GMDS: variants seen among roughly 807,000 people sequenced by gnomAD.
GMDS encodes the protein GDP-mannose 4,6 dehydratase.
Under a neutral mutation model 49.9 loss-of-function variants are expected in GMDS, and 20 were observed. That is an observed-to-expected ratio of 0.40 (90% confidence interval 0.28 to 0.58). The LOEUF (loss-of-function observed/expected upper bound fraction) is 0.58. Among genes scored for constraint, GMDS ranks in the 20% least tolerant of loss-of-function variants. The pLI is 0.42. For synonymous variants in GMDS, 177 were observed against 178.6 expected, an observed-to-expected ratio of 0.99 and a Z score of 0.07; for missense variants, 362 against 481.4, an observed-to-expected ratio of 0.75 and a Z score of 2.32.
chr6:2,126,282 C>A (rs140215518), intron 1 of GMDS, among the ~76,000 whole-genome samples: 34 of 152,226 alleles, frequency 2.2e-4, no homozygotes, highest in Non-Finnish European at 4.6e-4. Flanking sequence ...CTCATTCAGA[C>A]GAAAAGATAA....
chr6:1,959,060 A>G (rs1256813718), intron 6 of GMDS, among the ~76,000 whole-genome samples: 3 of 152,236 alleles, frequency 2.0e-5, no homozygotes, highest in African/African-American at 7.2e-5. Context: ...AATACCTGAT[A>G]ATACTTCTAA....
In GMDS at chr6:1,669,016, A is replaced by G. The variant is rs530163235; in HGVS notation, c.988-44476T>C. The stretch of plus-strand genomic sequence containing the variant: ...GACCTGAATGGAATATATTTCTAAC[A>G]TATGTCAGTACTGTTTTCACTAGTG... On this transcript the variant is annotated intron_variant, in intron 9 of 10. Transcript: ENST00000380815. 4.6e-5 allele frequency among the ~76,000 whole-genome samples: 7 copies of G among 152,348 alleles called. No homozygotes were observed. The East Asian group carries it at 7.7e-4, about 17-fold the overall frequency.
At chr6:2,045,125 T>G (rs557341180) in intron 4 of GMDS, among the ~76,000 whole-genome samples, 1 of 152,246 alleles carries the variant, frequency 6.6e-6, no homozygotes, top group Admixed American at 6.5e-5. Context: ...GAATTAATTT[T>G]AATAATTTAT....
intron 4 of GMDS, among the ~76,000 whole-genome samples, chr6:1,988,931 C>G (rs564407974): frequency 3.9e-5 from 6 of 151,926 alleles, no homozygotes; most frequent in Admixed American, 1.3e-4. Context: ...AAGAGTTATG[C>G]CGGGAGCAGT....
At chr6:2,097,744 T>G (rs929255997) in intron 4 of GMDS, among the ~76,000 whole-genome samples, 7 of 152,194 alleles carry the variant, frequency 4.6e-5, no homozygotes, top group Non-Finnish European at 7.3e-5. Context: ...TAGGCTCCAG[T>G]TCCGCCCTAA....
chr6:1,837,501 G>A (rs1298718910), intron 7 of GMDS, among the ~76,000 whole-genome samples: 1 of 152,114 alleles, frequency 6.6e-6, no homozygotes, highest in Non-Finnish European at 1.5e-5. Context: ...GACTCAAAGT[G>A]TTGGTAAGTG....
At chr6:1,669,232 T>C (rs374101311) in intron 9 of GMDS, among the ~76,000 whole-genome samples, 1 of 152,312 alleles carries the variant, frequency 6.6e-6, no homozygotes, top group South Asian at 2.1e-4. Context: ...TTGGCTATCA[T>C]AGTCTGGGGT....
intron 1 of GMDS, among the ~76,000 whole-genome samples, chr6:2,195,799 T>G (rs1198882847): frequency 1.4e-5 from 2 of 138,756 alleles, no homozygotes; most frequent in Non-Finnish European, 3.2e-5. Context: ...CTGGGCAACA[T>G]AAGAAAGACC....
At chr6:1,829,983 T>C (rs566223649) in intron 7 of GMDS, among the ~76,000 whole-genome samples, 43 of 152,364 alleles carry the variant, frequency 2.8e-4, no homozygotes, top group African/African-American at 1.0e-3. Flanking sequence ...TTTTGAGTTA[T>C]CTTACATAGA....
intron 6 of GMDS, among the ~76,000 whole-genome samples, chr6:1,945,953 A>G (rs1763058443): frequency 1.3e-5 from 2 of 152,200 alleles, no homozygotes. Context: ...ACACCATGAA[A>G]CAGTTTTTTT....
chr6:1,844,974 C>G (rs985329443), intron 7 of GMDS, among the ~76,000 whole-genome samples: 1 of 152,118 alleles, frequency 6.6e-6, no homozygotes, highest in African/African-American at 2.4e-5. Flanking sequence ...AGAAGAAATC[C>G]TTAGGTTTTA....
chr6:2,012,609 C>T (rs549246067), intron 4 of GMDS, among the ~76,000 whole-genome samples: 1 of 152,264 alleles, frequency 6.6e-6, no homozygotes, highest in East Asian at 1.9e-4. Flanking sequence ...GGGCAAACAA[C>T]CACATTAAAA....
intron 4 of GMDS, among the ~76,000 whole-genome samples, chr6:2,088,553 C>T (rs1438647397): frequency 6.6e-6 from 1 of 152,146 alleles, no homozygotes; most frequent in Non-Finnish European, 1.5e-5. Flanking sequence ...TAAATAGTTT[C>T]CTGATCTCTC....
At chr6:1,851,910 G>A (rs1346933819) in intron 7 of GMDS, among the ~76,000 whole-genome samples, 1 of 152,186 alleles carries the variant, frequency 6.6e-6, no homozygotes, top group African/African-American at 2.4e-5. Flanking sequence ...ACACACGTGT[G>A]TGTCTTGTCA....
At chr6:1,774,075 T>C (rs931102716) in intron 7 of GMDS, among the ~76,000 whole-genome samples, 17 of 152,200 alleles carry the variant, frequency 1.1e-4, no homozygotes, top group African/African-American at 4.1e-4. Context: ...GTGATGACCA[T>C]TGTTGCTCCT....
intron 9 of GMDS, among the ~76,000 whole-genome samples, chr6:1,696,823 A>G (rs1449603008): frequency 6.6e-6 from 1 of 152,232 alleles, no homozygotes; most frequent in Non-Finnish European, 1.5e-5. Flanking sequence ...GTGGCTGGAA[A>G]ATCTCATGGA....
intron 7 of GMDS, among the ~76,000 whole-genome samples, chr6:1,745,065 C>T (rs761148): frequency 0.56 from 84,450 of 152,124 alleles, 24,139 homozygotes; most frequent in African/African-American, 0.68. Flanking sequence ...TAAATGATGC[C>T]TATGGCTAGA....
At chr6:2,127,500 C>T (rs1363812274) in intron 1 of GMDS, among the ~76,000 whole-genome samples, 1 of 152,188 alleles carries the variant, frequency 6.6e-6, no homozygotes, top group African/African-American at 2.4e-5. Flanking sequence ...ACAGACCTGA[C>T]CAGGACTGAA....
At chr6:2,166,911 C>T (rs75492135) in intron 1 of GMDS, among the ~76,000 whole-genome samples, 6,190 of 152,298 alleles carry the variant, frequency 0.041, 256 homozygotes, top group South Asian at 0.13. Flanking sequence ...TTTACATTCT[C>T]TGTTCCTAAT....
Sources: gnomAD v4.1 joint callset for allele counts (sites outside exome capture counted in the v4.1 genomes callset) on GRCh38, gnomAD v4.1.1 for gene constraint, MANE v1.5 for transcripts, NCBI Gene and HGNC (gene_info 2026-07-23, HGNC 2026-07-21) for gene names.